SPATA9: variants seen among roughly 807,000 people sequenced by gnomAD.
SPATA9 encodes spermatogenesis-associated protein 9.
SPATA9 carries 27 observed loss-of-function variants against 25.5 expected under a neutral mutation model. The observed-to-expected ratio is 1.06, with a 90% confidence interval of 0.78 to 1.46. SPATA9 has a LOEUF of 1.46. Ranked by LOEUF, SPATA9 falls within the 40% of genes most tolerant of loss-of-function variation. The probability of loss-of-function intolerance (pLI) is 0.00; values close to 1 mark genes in which losing one functional copy is unlikely to be tolerated. For synonymous variants in SPATA9, 102 were observed against 105.7 expected (o/e 0.97, Z 0.21); for missense variants, 282 against 297.5 (o/e 0.95, Z 0.38).
chr5:95,689,246 A>C (rs1753824938), intron 1 of SPATA9, among the ~76,000 whole-genome samples: 1 of 152,198 alleles, frequency 6.6e-6, no homozygotes, highest in Admixed American at 6.6e-5. Flanking sequence ...TATTAATTGG[A>C]AACAGTCCAT....
chr5:95,717,306 T>G, the SPATA9 span, among the ~76,000 whole-genome samples: 1 of 152,190 alleles, frequency 6.6e-6, no homozygotes, highest in Admixed American at 6.5e-5. Context: ...TCCTGTAGAC[T>G]GTGGATTTAT....
chr5:95,688,752 T>C (rs1753810257), intron 1 of SPATA9, among the ~76,000 whole-genome samples: 1 of 152,012 alleles, frequency 6.6e-6, no homozygotes. Context: ...GGATGAGAAA[T>C]TACCTAATGG....
At chr5:95,732,045 T>C in the SPATA9 span, 1 of 1,614,178 alleles carries the variant, frequency 6.2e-7, no homozygotes, top group East Asian at 2.2e-5. Context: ...CCAGTGCGTT[T>C]GGGAATGTCA....
chr5:95,731,612 C>T, the SPATA9 span: 5 of 1,601,344 alleles, frequency 3.1e-6, no homozygotes, highest in Non-Finnish European at 4.3e-6. Flanking sequence ...GAACTCGCCG[C>T]CCGGGGGCCC....
chr5:95,710,777 T>G, the SPATA9 span, among the ~76,000 whole-genome samples: 1 of 152,244 alleles, frequency 6.6e-6, no homozygotes, highest in Non-Finnish European at 1.5e-5. Flanking sequence ...CTAAGATTTT[T>G]GTTTGTCCTT....
At chr5:95,726,343 G>A in the SPATA9 span, among the ~76,000 whole-genome samples, 1 of 152,134 alleles carries the variant, frequency 6.6e-6, no homozygotes, top group East Asian at 1.9e-4. Context: ...AGACTTTGTA[G>A]CATTTATTCT....
intron 3 of SPATA9, among the ~76,000 whole-genome samples, chr5:95,667,582 T>C (rs1441749787): frequency 2.0e-5 from 3 of 152,134 alleles, no homozygotes; most frequent in Admixed American, 1.3e-4. Context: ...GAGACAAATA[T>C]ACAAGTAGAG....
At chr5:95,731,767 G>A in the SPATA9 span, 3 of 1,605,412 alleles carry the variant, frequency 1.9e-6, no homozygotes, top group Non-Finnish European at 2.6e-6. Context: ...GCCCATCCTC[G>A]CCGCGCGCTG....
At chr5:95,705,047 T>C in the SPATA9 span, among the ~76,000 whole-genome samples, 1 of 152,008 alleles carries the variant, frequency 6.6e-6, no homozygotes, top group African/African-American at 2.4e-5. Context: ...CAGGCTCAAG[T>C]GATCCTCCCA....
At chr5:95,712,900 C>CT in the SPATA9 span, among the ~76,000 whole-genome samples, 15,198 of 151,958 alleles carry the variant, frequency 0.1, 1,404 homozygotes, top group East Asian at 0.5. Context: ...TTTTTAATTG[C>CT]TTTTTTTATC....
chr5:95,721,620 A>G, the SPATA9 span, among the ~76,000 whole-genome samples: 1 of 151,992 alleles, frequency 6.6e-6, no homozygotes, highest in East Asian at 1.9e-4. Flanking sequence ...CAGAGATATT[A>G]CTGAGGTCCC....
At position 95,660,677 on chromosome 5, in the gene SPATA9, C is replaced by CAT. The variant is rs573269995; in HGVS notation, c.475-1766_475-1765dup. Among the ~76,000 whole-genome samples the CAT allele has an allele frequency of 4.1e-3, 619 of 152,244 alleles. 7 individuals are homozygous for CAT. Among genetic ancestry groups the CAT allele is most frequent in the South Asian group, 9.3e-3 (45 of 4,814 alleles). The stretch of plus-strand genomic sequence containing the variant: ...TTGGAAAGTTCTATCCTATTTGAAA[C>CAT]ATTCTCTCCTCCCTCACCAACAAAA... On this transcript the variant is annotated intron_variant, in intron 4 of 4. Transcript: ENST00000274432.
At chr5:95,731,524 CCGGCCCCGCTCTGCGT>C in the SPATA9 span, 1 of 1,300,594 alleles carries the variant, frequency 7.7e-7, no homozygotes, top group African/African-American at 1.6e-5. Context: ...TGGCGCGGCC[CCGGCCCCGCTCTGCGT>C]CGGCCCCGCC....
rs577982994 is a variant in SPATA9 at position 95,696,093 on chromosome 5, C to T, written n.124+2495G>A. The stretch of plus-strand genomic sequence containing the variant: ...GTGAGCTTAAAAACAGATCCTCACC[C>T]AGTGAAGCCTTAAGATGACTGTCAC... On this transcript the variant is annotated intron_variant and non_coding_transcript_variant, in intron 1 of 2. Coordinates refer to the SPATA9 transcript ENST00000379990. Among the ~76,000 whole-genome samples the T allele has an allele frequency of 4.6e-5, 7 of 152,258 alleles. No individual in the cohort carries two copies. In the South Asian group the frequency reaches 6.2e-4, roughly 14 times the overall value.
At chr5:95,687,090 A>G (rs896104908), upstream of SPATA9, among the ~76,000 whole-genome samples, 2 of 152,160 alleles carry the variant, frequency 1.3e-5, no homozygotes, top group African/African-American at 4.8e-5. Flanking sequence ...ATCCCAAAGG[A>G]AACATGAAGG....
intron 1 of SPATA9, among the ~76,000 whole-genome samples, chr5:95,696,045 T>G (rs886660366): frequency 3.3e-5 from 5 of 152,206 alleles, no homozygotes; most frequent in Non-Finnish European, 7.3e-5. Context: ...AATGAAGACC[T>G]GGGTCCTGTC....
In SPATA9 at chr5:95,679,590, T is replaced by C. The variant is rs192447004; in HGVS notation, c.150+2938A>G. Among the ~76,000 whole-genome samples the C allele has an allele frequency of 9.1e-4, 138 of 152,296 alleles. 1 individual carries two copies. Among genetic ancestry groups the C allele is most frequent in the African/African-American group, 3.2e-3 (133 of 41,564 alleles). ...TTTAGTATCACCCCTCCTCAAACACTAGACCCAAGAGAGGGCCGGCCAAAG... is the reference window on the plus strand; with the variant it reads ...TTTAGTATCACCCCTCCTCAAACACCAGACCCAAGAGAGGGCCGGCCAAAG... On this transcript the variant is annotated intron_variant, in intron 2 of 4. Coordinates refer to ENST00000274432, the MANE Select transcript of SPATA9 (RefSeq NM_031952.4).
At chr5:95,680,543 C>T (rs1274561733) in intron 2 of SPATA9, among the ~76,000 whole-genome samples, 1 of 152,128 alleles carries the variant, frequency 6.6e-6, no homozygotes, top group Non-Finnish European at 1.5e-5. Context: ...CTCTTCTTTT[C>T]TCTGATGCCC....
chr5:95,678,526 A>C (rs1467826999), intron 2 of SPATA9, among the ~76,000 whole-genome samples: 1 of 152,196 alleles, frequency 6.6e-6, no homozygotes, highest in Admixed American at 6.5e-5. Context: ...TGTCACTCCC[A>C]TCAAATCTTT....
Sources: allele counts gnomAD v4.1 joint callset (sites outside exome capture counted in the v4.1 genomes callset), GRCh38; gene constraint gnomAD v4.1.1; transcripts MANE v1.5; gene names NCBI Gene and HGNC (gene_info 2026-07-23, HGNC 2026-07-21).